The following SORCS1 variants were observed in gnomAD, a reference collection of about 807,000 sequenced individuals.
SORCS1 encodes the protein sortilin related VPS10 domain containing receptor 1, also known as VPS10 domain-containing receptor SorCS1.
Under a neutral mutation model 146.1 loss-of-function variants are expected in SORCS1, and 60 were observed. That is an observed-to-expected ratio of 0.41 (90% confidence interval 0.33 to 0.51). SORCS1 has a LOEUF of 0.51. SORCS1 is among the 20% of genes least tolerant of loss of function. SORCS1 has a pLI of 0.21. For synonymous variants in SORCS1, 637 were observed against 584.0 expected, an observed-to-expected ratio of 1.09 and a Z score of -1.31; for missense variants, 1,352 against 1,487.6, an observed-to-expected ratio of 0.91 and a Z score of 1.50.
intron 1 of SORCS1, among the ~76,000 whole-genome samples, chr10:107,072,714 A>T (rs1962543665): frequency 6.6e-6 from 1 of 151,020 alleles, no homozygotes; most frequent in Non-Finnish European, 1.5e-5. Flanking sequence ...AATATTATAT[A>T]TTTATTCCTA....
intron 6 of SORCS1, among the ~76,000 whole-genome samples, chr10:106,710,497 C>T (rs1019418789): frequency 6.7e-6 from 1 of 149,630 alleles, no homozygotes; most frequent in African/African-American, 2.4e-5. Context: ...TTTGCTTTTA[C>T]TTTACAATTG....
In SORCS1 at chr10:106,574,480, C is replaced by T. The variant is rs921779431; in HGVS notation, c.*2940G>A. On this transcript the variant is annotated 3_prime_UTR_variant, in exon 26 of 26. Coordinates refer to ENST00000263054, the MANE Select transcript of SORCS1 (RefSeq NM_052918.5). ...TCCCATTTGTAGGCTCTCATTACTG[C>T]CTTCTGTTTGAGATTCAGCTGGAAT... The T allele has an allele frequency of 6.6e-6, 1 of 152,518 alleles. No homozygotes were observed. Among genetic ancestry groups the T allele is most frequent in the African/African-American group, 2.4e-5 (1 of 41,408 alleles). 9.4% of individuals were successfully genotyped at this position (152,518 alleles called of 1,614,324 possible).
At chr10:106,597,566 T>G in intron 23 of SORCS1, 116 bp from the exon 24 acceptor site, 1 of 728,060 alleles carries the variant, frequency 1.4e-6, no homozygotes, top group Non-Finnish European at 2.3e-6. Flanking sequence ...CCGTGAGTTA[T>G]ATAAATAAGG....
rs903614042 is a variant in SORCS1, at chr10:106,718,615, T to C, written c.1025-9274A>G. On this transcript the variant is annotated intron_variant, in intron 6 of 25. Coordinates refer to ENST00000263054, the MANE Select transcript of SORCS1 (RefSeq NM_052918.5). The stretch of plus-strand genomic sequence containing the variant: ...GCAAAAGAACAAAGCTGCCACAGCA[T>C]GGAAGGGAACCCGAGTGGGTTGCCA... Among the ~76,000 whole-genome samples, 31 of 152,364 alleles carry C rather than the reference T, an allele frequency of 2.0e-4. No individual in the cohort carries two copies. The East Asian group carries it at 3.7e-3, about 18-fold the overall frequency.
chr10:106,878,620 G>GTATATATATATATATATATAGATATATA (rs1950685262), intron 2 of SORCS1, among the ~76,000 whole-genome samples: 1 of 84,950 alleles, frequency 1.2e-5, no homozygotes, highest in Non-Finnish European at 2.4e-5. Context: ...AAACTACCTA[G>GTATATATATATATATATATAGATATATA]TATATATATA....
chr10:106,807,495 A>G (rs1224353420), intron 3 of SORCS1, among the ~76,000 whole-genome samples: 1 of 152,202 alleles, frequency 6.6e-6, no homozygotes, highest in Non-Finnish European at 1.5e-5. Flanking sequence ...CCATGCAAGA[A>G]AAGTAATTTC....
chr10:106,713,015 G>T (rs531815609), intron 6 of SORCS1, among the ~76,000 whole-genome samples: 14 of 152,318 alleles, frequency 9.2e-5, no homozygotes, highest in African/African-American at 3.1e-4. Context: ...TACATGAGAA[G>T]TGAGGAGAGA....
intron 3 of SORCS1, among the ~76,000 whole-genome samples, chr10:106,799,915 T>A (rs375462893): frequency 1.3e-5 from 2 of 152,212 alleles, no homozygotes; most frequent in East Asian, 1.9e-4. Context: ...AAAAGGGGAA[T>A]TGCCTTCTGT....
chr10:106,583,711 T>C (rs1845056033), intron 24 of SORCS1, among the ~76,000 whole-genome samples: 1 of 151,944 alleles, frequency 6.6e-6, no homozygotes, highest in Non-Finnish European at 1.5e-5. Context: ...GGTTTCACCA[T>C]GTTGGCCAGG....
chr10:106,784,859 G>A (rs772033844), intron 3 of SORCS1, among the ~76,000 whole-genome samples: 1 of 152,220 alleles, frequency 6.6e-6, no homozygotes, highest in Non-Finnish European at 1.5e-5. Flanking sequence ...ATTGATTTAA[G>A]TGAGGGAAAT....
At position 106,922,351 on chromosome 10, in the gene SORCS1, A is replaced by G. The variant is rs554375798; in HGVS notation, c.626+34162T>C. Among the ~76,000 whole-genome samples the G allele has an allele frequency of 2.6e-5, 4 of 152,364 alleles. No individual in the cohort carries two copies. In the East Asian group the frequency reaches 7.7e-4, roughly 29 times the overall value. On this transcript the variant is annotated intron_variant, in intron 2 of 25. Transcript: ENST00000263054. ...CAGCTGACTTCTCAACATGAAGACT[A>G]CAGCAGACTCTGGCACCTGGATAGA... is the stretch of plus-strand genomic sequence containing the variant.
At chr10:107,161,579 T>A (rs1300209136) in intron 1 of SORCS1, among the ~76,000 whole-genome samples, 1 of 152,072 alleles carries the variant, frequency 6.6e-6, no homozygotes, top group East Asian at 1.9e-4. Context: ...GCCCCCACTT[T>A]AGAGATGAAA....
At chr10:106,869,976 T>A (rs1262303058) in intron 2 of SORCS1, among the ~76,000 whole-genome samples, 1 of 135,268 alleles carries the variant, frequency 7.4e-6, no homozygotes, top group African/African-American at 2.5e-5. Flanking sequence ...CTTCAGCTGA[T>A]AAACAACTTC....
chr10:106,892,953 G>A (rs1329352372), intron 2 of SORCS1, among the ~76,000 whole-genome samples: 2 of 148,964 alleles, frequency 1.3e-5, no homozygotes, highest in Non-Finnish European at 3.0e-5. Flanking sequence ...GGAGTGCAAT[G>A]GCATGATCTC....
At chr10:106,642,286 A>G (rs552536136) in intron 18 of SORCS1, among the ~76,000 whole-genome samples, 20 of 152,162 alleles carry the variant, frequency 1.3e-4, no homozygotes, top group Non-Finnish European at 2.5e-4. Context: ...ATTGTTAACA[A>G]CTTGGGGAGG....
At chr10:107,125,442 T>C (rs1036884505) in intron 1 of SORCS1, among the ~76,000 whole-genome samples, 3 of 152,234 alleles carry the variant, frequency 2.0e-5, no homozygotes, top group African/African-American at 7.2e-5. Context: ...GTGCTTGATC[T>C]GACCAGGAAG....
chr10:106,965,107 T>C (rs1419174391), intron 1 of SORCS1, among the ~76,000 whole-genome samples: 3 of 151,936 alleles, frequency 2.0e-5, no homozygotes, highest in Non-Finnish European at 4.4e-5. Context: ...TGTCCACGTG[T>C]CCCCTCTGAC....
At chr10:106,719,200 G>A (rs975143032) in intron 6 of SORCS1, among the ~76,000 whole-genome samples, 10 of 152,136 alleles carry the variant, frequency 6.6e-5, no homozygotes, top group Admixed American at 6.6e-4. Context: ...AGTGGAAAGT[G>A]GGGAGGAAGA....
intron 5 of SORCS1, among the ~76,000 whole-genome samples, chr10:106,751,709 G>T (rs574224258): frequency 3.9e-4 from 59 of 152,236 alleles, no homozygotes; most frequent in African/African-American, 1.4e-3. Context: ...AAATACAGAG[G>T]TTACCTACTA....
Sources: allele counts gnomAD v4.1 joint callset (sites outside exome capture counted in the v4.1 genomes callset), GRCh38; gene constraint gnomAD v4.1.1; transcripts MANE v1.5; gene names NCBI Gene and HGNC (gene_info 2026-07-23, HGNC 2026-07-21).